Variants in HIP1 observed in about 807,000 individuals in gnomAD.
HIP1 encodes huntingtin interacting protein 1, also known as huntingtin-interacting protein 1.
A neutral mutation model predicts 147.6 loss-of-function variants in HIP1; 65 were observed. The ratio of observed to expected loss-of-function variants is 0.44; its 90% CI spans 0.36 to 0.54. HIP1 has a LOEUF of 0.54. HIP1 is among the 20% of genes least tolerant of loss of function. The pLI, the probability that HIP1 is intolerant of heterozygous loss-of-function variation, is 0.00. For missense variants in HIP1, 1,061 were observed against 1,299.6 expected (o/e 0.82, Z 2.82); for synonymous variants, 479 against 504.0 (o/e 0.95, Z 0.67).
At chr7:75,685,401 G>A (rs1800225405) in intron 1 of HIP1, among the ~76,000 whole-genome samples, 1 of 152,164 alleles carries the variant, frequency 6.6e-6, no homozygotes, top group South Asian at 2.1e-4. Flanking sequence ...TTTCCACTGT[G>A]AAATGGTATT....
At chr7:75,644,702 G>A (rs1254253988) in intron 1 of HIP1, among the ~76,000 whole-genome samples, 4 of 152,170 alleles carry the variant, frequency 2.6e-5, no homozygotes, top group Admixed American at 6.6e-5. Context: ...TTTATGGTGC[G>A]GGGGAGGAGC....
intron 1 of HIP1, among the ~76,000 whole-genome samples, chr7:75,663,536 C>A (rs62475502): frequency 0.12 from 18,177 of 151,688 alleles, 1,208 homozygotes; most frequent in East Asian, 0.17. Context: ...AGGGTGTTTG[C>A]CAGGGGACAG....
At chr7:75,685,611 C>T (rs1800234691) in intron 1 of HIP1, among the ~76,000 whole-genome samples, 1 of 152,204 alleles carries the variant, frequency 6.6e-6, no homozygotes, top group South Asian at 2.1e-4. Context: ...TGCAATGGTG[C>T]AATCTCAGCT....
intron 4 of HIP1, among the ~76,000 whole-genome samples, chr7:75,590,672 T>C (rs1796471545): frequency 6.6e-6 from 1 of 152,224 alleles, no homozygotes; most frequent in African/African-American, 2.4e-5. Flanking sequence ...ATAAGTGTTA[T>C]TTCTAAAACA....
At chr7:75,707,503 G>T in intron 1 of HIP1, among the ~76,000 whole-genome samples, 1 of 141,918 alleles carries the variant, frequency 7.0e-6, no homozygotes, top group Non-Finnish European at 1.5e-5. Flanking sequence ...TTGTAAATTT[G>T]TTTGAGTTCA....
rs1483549436 is a variant in HIP1 at position 75,555,192 on chromosome 7, G to GGGT, written c.1963+223_1963+224insACC. ...TAAGACCCTATCTCAAAAAGCGGGG[G>GGGT]GGCGGGGGGGGGGAAGAAAATACTA... is the stretch of plus-strand genomic sequence containing the variant. On this transcript the variant is annotated intron_variant, in intron 19 of 30. Transcript: ENST00000336926. Among the ~76,000 whole-genome samples the GGGT allele has an allele frequency of 2.2e-3, 114 of 51,042 alleles. 1 individual carries two copies. The highest frequency in any genetic ancestry group is 9.1e-3 in the African/African-American group (108 of 11,882). 33.5% of individuals were successfully genotyped at this position (51,042 alleles called of 152,430 possible).
intron 1 of HIP1, among the ~76,000 whole-genome samples, chr7:75,696,380 A>G (rs1310610609): frequency 6.6e-6 from 1 of 151,912 alleles, no homozygotes; most frequent in Non-Finnish European, 1.5e-5. Context: ...GGTCTTTCTC[A>G]TTCTTATTTC....
In HIP1 at chr7:75,549,425, C is replaced by T. The variant is rs587640616; in HGVS notation, c.2296-424G>A. Among the ~76,000 whole-genome samples, 3 of 143,884 alleles carry T rather than the reference C, an allele frequency of 2.1e-5. No homozygotes were observed. In the South Asian group the frequency reaches 6.5e-4, roughly 31 times the overall value. 94.4% of individuals were successfully genotyped at this position (143,884 alleles called of 152,430 possible). Reference sequence around the variant, plus strand: ...TCAATCTGTTGCCCAGGCTGGAGTACAGTGGCACAATCTCGGCTCACTGCA... The same window carrying T: ...TCAATCTGTTGCCCAGGCTGGAGTATAGTGGCACAATCTCGGCTCACTGCA... On this transcript the variant is annotated intron_variant, in intron 22 of 30. Transcript: ENST00000336926.
intron 1 of HIP1, among the ~76,000 whole-genome samples, chr7:75,670,877 C>T (rs1799712334): frequency 6.8e-6 from 1 of 147,666 alleles, no homozygotes; most frequent in African/African-American, 2.5e-5. Flanking sequence ...CTACCTCTGC[C>T]TCCCAAAGTG....
At chr7:75,683,434 G>C (rs181127324) in intron 1 of HIP1, among the ~76,000 whole-genome samples, 4 of 80,974 alleles carry the variant, frequency 4.9e-5, no homozygotes, top group Non-Finnish European at 7.5e-5. Flanking sequence ...GCATTTACTC[G>C]GACTCGTTGG....
chr7:75,623,184 C>T (rs908153411), intron 1 of HIP1, among the ~76,000 whole-genome samples: 6 of 118,212 alleles, frequency 5.1e-5, no homozygotes, highest in African/African-American at 1.4e-4. Context: ...GGCAACAGAG[C>T]GGGACTCCAT....
chr7:75,559,191 T>C (rs1436696503), intron 14 of HIP1, among the ~76,000 whole-genome samples: 2 of 152,184 alleles, frequency 1.3e-5, no homozygotes, highest in Middle Eastern at 3.2e-3. Context: ...ATCAGCTCAC[T>C]GCAGCCTTGA....
Position 75,559,798 on chromosome 7 carries a change from G to A in HIP1, c.1309C>T (p.Leu437=). The A allele has an allele frequency of 1.2e-6, 2 of 1,608,662 alleles. No individual in the cohort carries two copies. The highest frequency in any genetic ancestry group is 2.2e-5 in the East Asian group (1 of 44,582). ...ADDCEFLRAE[L]DELRRQREDT... is the part of the protein sequence containing the mutation. The stretch of plus-strand genomic sequence containing the variant: ...TCCCGCTGCCTCCTGAGCTCGTCCA[G>A]TTCTGCCCGCAGGAATTCACAGTCG... The change falls in exon 14 of 31, where the codon CTG becomes TTG. Residue 437 remains leucine, a synonymous_variant. Transcript: ENST00000336926.
At chr7:75,689,078 C>T (rs560222377) in intron 1 of HIP1, among the ~76,000 whole-genome samples, 3 of 152,204 alleles carry the variant, frequency 2.0e-5, no homozygotes, top group East Asian at 3.9e-4. Context: ...AGGTAGGGCG[C>T]GGTGGCTCAT....
intron 1 of HIP1, among the ~76,000 whole-genome samples, chr7:75,640,365 T>C (rs1798610609): frequency 6.6e-6 from 1 of 152,166 alleles, no homozygotes; most frequent in African/African-American, 2.4e-5. Flanking sequence ...GTAAGGACCA[T>C]CCAGCCCAAG....
At chr7:75,551,203 T>TTTTTTTTTTTTTTTTTTTTG in intron 22 of HIP1, among the ~76,000 whole-genome samples, 1 of 134,674 alleles carries the variant, frequency 7.4e-6, no homozygotes, top group African/African-American at 2.9e-5. Flanking sequence ...TTTTTTTTTT[T>TTTTTTTTTTTTTTTTTTTTG]TTTTTTTTTT....
In HIP1 at chr7:75,641,355, T is replaced by C. The variant is rs561002544; in HGVS notation, c.121-42108A>G. Among the ~76,000 whole-genome samples, 7 of 152,070 alleles carry C rather than the reference T, an allele frequency of 4.6e-5. No individual in the cohort carries two copies. In the South Asian group the frequency reaches 1.5e-3, roughly 32 times the overall value. ...TTCAGGAGTTTGAGAACTCCTGGAC[T>C]CAAGCAATCCACCTGTCTCAGCCTC... On this transcript the variant is annotated intron_variant, in intron 1 of 30. Transcript: ENST00000336926.
At chr7:75,575,487 T>C (rs587773784) in intron 7 of HIP1, among the ~76,000 whole-genome samples, 22 of 151,800 alleles carry the variant, frequency 1.4e-4, no homozygotes, top group African/African-American at 5.1e-4. Flanking sequence ...AACAAAACAA[T>C]ACAAAACAAG....
intron 1 of HIP1, among the ~76,000 whole-genome samples, chr7:75,736,725 G>A (rs1802031169): frequency 6.6e-6 from 1 of 152,024 alleles, no homozygotes; most frequent in African/African-American, 2.4e-5. Flanking sequence ...CTGGATCCTG[G>A]GAGGCAGAAG....
Sources: allele counts gnomAD v4.1 joint callset (sites outside exome capture counted in the v4.1 genomes callset), GRCh38; gene constraint gnomAD v4.1.1; transcripts MANE v1.5; gene names NCBI Gene and HGNC (gene_info 2026-07-23, HGNC 2026-07-21).